The following KCNQ5 variants were observed in gnomAD, a reference collection of about 807,000 sequenced individuals.
The protein encoded by KCNQ5 is potassium voltage-gated channel subfamily Q member 5, also known as potassium voltage-gated channel subfamily KQT member 5.
In KCNQ5, 30 loss-of-function variants were observed where a neutral mutation model predicts 98.2. The ratio of observed to expected loss-of-function variants is 0.31; its 90% CI spans 0.23 to 0.41. KCNQ5 has a LOEUF of 0.41. KCNQ5 is among the 10% of genes least tolerant of loss of function. The probability of loss-of-function intolerance (pLI) is 1.00; values close to 1 mark genes in which losing one functional copy is unlikely to be tolerated. For missense variants in KCNQ5, 835 were observed against 1,182.5 expected (o/e 0.71, Z 4.31); for synonymous variants, 458 against 449.4 (o/e 1.02, Z -0.24).
At chr6:72,975,621 T>C (rs1246688351) in intron 1 of KCNQ5, among the ~76,000 whole-genome samples, 1 of 152,226 alleles carries the variant, frequency 6.6e-6, no homozygotes, top group East Asian at 1.9e-4. Context: ...GGAGACCATC[T>C]GTCTGCTGGG....
chr6:73,056,338 A>C (rs1016233810), intron 3 of KCNQ5, among the ~76,000 whole-genome samples: 6 of 152,130 alleles, frequency 3.9e-5, no homozygotes, highest in African/African-American at 1.4e-4. Context: ...ACCCCAGAGG[A>C]ACTGGCTCTA....
chr6:73,034,201 C>G (rs1482131953), intron 2 of KCNQ5, among the ~76,000 whole-genome samples: 2 of 152,088 alleles, frequency 1.3e-5, no homozygotes, highest in African/African-American at 4.8e-5. Flanking sequence ...TTTTATGATG[C>G]AGTTTACATC....
chr6:72,757,609 G>T (rs2154476865), intron 1 of KCNQ5, among the ~76,000 whole-genome samples: 1 of 152,180 alleles, frequency 6.6e-6, no homozygotes. Context: ...AAAGTGAAAA[G>T]CAGAATGGCC....
chr6:73,006,617 C>A (rs1409492141), intron 2 of KCNQ5, among the ~76,000 whole-genome samples: 4 of 152,136 alleles, frequency 2.6e-5, no homozygotes, highest in Non-Finnish European at 5.9e-5. Context: ...CGCACCACTG[C>A]ACTCCAGCCT....
At chr6:72,726,868 G>T (rs983959842) in intron 1 of KCNQ5, among the ~76,000 whole-genome samples, 3 of 152,128 alleles carry the variant, frequency 2.0e-5, no homozygotes, top group South Asian at 2.1e-4. Flanking sequence ...TAGAGATGGG[G>T]TCTCACTGTG....
chr6:73,058,805 T>TA (rs1317058197), intron 3 of KCNQ5, among the ~76,000 whole-genome samples: 8 of 152,020 alleles, frequency 5.3e-5, no homozygotes, highest in Non-Finnish European at 1.0e-4. Flanking sequence ...AAGAAGCATA[T>TA]AAAAAAATGC....
intron 1 of KCNQ5, among the ~76,000 whole-genome samples, chr6:72,771,832 G>A (rs940457302): frequency 2.0e-5 from 3 of 152,016 alleles, no homozygotes; most frequent in Non-Finnish European, 4.4e-5. Flanking sequence ...GCTCTTGTGA[G>A]TTGAAAAGCT....
At chr6:72,718,824 T>C (rs778132217) in intron 1 of KCNQ5, among the ~76,000 whole-genome samples, 15 of 152,180 alleles carry the variant, frequency 9.9e-5, no homozygotes, top group Non-Finnish European at 2.2e-4. Context: ...ACTAAACAAA[T>C]GATAGTTTCT....
At chr6:72,672,574 A>G (rs9446733) in intron 1 of KCNQ5, among the ~76,000 whole-genome samples, 1,849 of 152,288 alleles carry the variant, frequency 0.012, 41 homozygotes, top group African/African-American at 0.043. Context: ...TTTCCGATAC[A>G]GTCTTTGGCA....
intron 1 of KCNQ5, among the ~76,000 whole-genome samples, chr6:72,913,454 G>A (rs992231488): frequency 6.6e-6 from 1 of 152,160 alleles, no homozygotes; most frequent in African/African-American, 2.4e-5. Flanking sequence ...GTGGCATGGG[G>A]TGTGTGAGTC....
intron 1 of KCNQ5, among the ~76,000 whole-genome samples, chr6:72,729,488 A>G (rs1293816617): frequency 6.6e-6 from 1 of 152,064 alleles, no homozygotes; most frequent in African/African-American, 2.4e-5. Context: ...GGGTTTCGCC[A>G]TGTTGGCCAG....
intron 1 of KCNQ5, among the ~76,000 whole-genome samples, chr6:72,701,419 G>A (rs942919286): frequency 3.9e-5 from 6 of 151,904 alleles, no homozygotes; most frequent in Admixed American, 2.0e-4. Context: ...TTATGATATC[G>A]GTTTTGCAAA....
chr6:72,699,346 G>A (rs929939360), intron 1 of KCNQ5, among the ~76,000 whole-genome samples: 1 of 152,172 alleles, frequency 6.6e-6, no homozygotes, highest in Non-Finnish European at 1.5e-5. Flanking sequence ...CTAAAGATGA[G>A]ATCAGTGGTT....
chr6:72,790,355 A>G (rs1773973893), intron 1 of KCNQ5, among the ~76,000 whole-genome samples: 1 of 152,240 alleles, frequency 6.6e-6, no homozygotes. Flanking sequence ...TCAATTTGAC[A>G]TCAAGTTGAG....
chr6:73,139,977 A>ATAGT (rs148872480), intron 10 of KCNQ5, among the ~76,000 whole-genome samples: 13,072 of 152,056 alleles, frequency 0.086, 1,770 homozygotes, highest in African/African-American at 0.29. Context: ...CTTCTTAAAG[A>ATAGT]TAGTTCATCC....
chr6:72,739,695 A>G (rs1037703906), intron 1 of KCNQ5, among the ~76,000 whole-genome samples: 1 of 152,218 alleles, frequency 6.6e-6, no homozygotes, highest in African/African-American at 2.4e-5. Flanking sequence ...GGACCTACAG[A>G]CGGTCTGTTC....
chr6:73,058,673 G>A (rs1772636419), intron 3 of KCNQ5, among the ~76,000 whole-genome samples: 1 of 152,068 alleles, frequency 6.6e-6, no homozygotes, highest in Non-Finnish European at 1.5e-5. Context: ...TCTGACAAAG[G>A]TCTATTATCC....
At chr6:73,092,487 C>G (rs1388049732) in intron 5 of KCNQ5, among the ~76,000 whole-genome samples, 3 of 152,026 alleles carry the variant, frequency 2.0e-5, no homozygotes, top group Admixed American at 6.6e-5. Flanking sequence ...TCAACTTTTC[C>G]CCATTCAGTA....
intron 1 of KCNQ5, among the ~76,000 whole-genome samples, chr6:72,869,400 T>TGTC (rs1778117795): frequency 6.6e-6 from 1 of 152,176 alleles, no homozygotes; most frequent in Non-Finnish European, 1.5e-5. Context: ...AATGAAAATA[T>TGTC]TAGGTTAGCA....
Sources: allele counts gnomAD v4.1 joint callset (sites outside exome capture counted in the v4.1 genomes callset), GRCh38; gene constraint gnomAD v4.1.1; transcripts MANE v1.5; gene names NCBI Gene and HGNC (gene_info 2026-07-23, HGNC 2026-07-21).